The following CADPS2 variants were observed in gnomAD, a reference collection of about 807,000 sequenced individuals.
CADPS2 encodes the protein calcium-dependent secretion activator 2.
Under a neutral mutation model 172.5 loss-of-function variants are expected in CADPS2, and 93 were observed. The ratio of observed to expected loss-of-function variants is 0.54; its 90% confidence interval spans 0.46 to 0.64. The LOEUF (loss-of-function observed/expected upper bound fraction) is 0.64, where lower values mean the gene tolerates loss of function less well. Among genes scored for constraint, CADPS2 ranks in the 30% least tolerant of loss-of-function variants. CADPS2 has a pLI of 0.00. For missense variants in CADPS2, 1,420 were observed against 1,565.9 expected (o/e 0.91, Z 1.57); for synonymous variants, 546 against 555.2 (o/e 0.98, Z 0.23).
chr7:122,379,300 AAC>A (rs2042720554), intron 25 of CADPS2, 66 bp downstream of exon 25: 2 of 999,964 alleles, frequency 2.0e-6, no homozygotes, highest in African/African-American at 1.6e-5. Context: ...GATATTTAAA[AAC>A]ATTAAAAAAT....
At chr7:122,879,699 C>G (rs1037279227) in intron 1 of CADPS2, among the ~76,000 whole-genome samples, 3 of 151,976 alleles carry the variant, frequency 2.0e-5, no homozygotes, top group South Asian at 4.2e-4. Flanking sequence ...GCCCTTTGCC[C>G]CAGTAATATT....
intron 1 of CADPS2, among the ~76,000 whole-genome samples, chr7:122,787,651 A>C (rs1421252605): frequency 1.3e-5 from 2 of 150,462 alleles, no homozygotes; most frequent in Non-Finnish European, 3.0e-5. Flanking sequence ...CTTAGTAATT[A>C]ATGTAAGTGC....
intron 1 of CADPS2, among the ~76,000 whole-genome samples, chr7:122,792,620 A>G (rs905607216): frequency 6.6e-6 from 1 of 152,210 alleles, no homozygotes; most frequent in Non-Finnish European, 1.5e-5. Context: ...TATAAGATTA[A>G]CAAACTTATT....
At chr7:122,650,594 G>A (rs1346945899) in intron 3 of CADPS2, among the ~76,000 whole-genome samples, 2 of 152,072 alleles carry the variant, frequency 1.3e-5, no homozygotes, top group Non-Finnish European at 2.9e-5. Flanking sequence ...GGGAGATGCT[G>A]GAGAAAGCAA....
chr7:122,647,946 T>C (rs957443187), intron 3 of CADPS2, among the ~76,000 whole-genome samples: 5 of 152,222 alleles, frequency 3.3e-5, no homozygotes, highest in African/African-American at 1.2e-4. Context: ...GCTTTTCATC[T>C]TAACTATTTC....
At chr7:122,559,770 CAAAAAAAAAAAA>C (rs71161306) in intron 7 of CADPS2, among the ~76,000 whole-genome samples, 1 of 85,158 alleles carries the variant, frequency 1.2e-5, no homozygotes, top group African/African-American at 4.6e-5. Context: ...GACTCCACCT[CAAAAAAAAAAAA>C]AAAAAAAAAA....
rs2091956310 is a variant in CADPS2 at position 122,734,365 on chromosome 7, AAAAAAAAAAAAAAAAAAAAAAG to A, written c.453+2568_453+2589del. Among the ~76,000 whole-genome samples, 3 of 88,208 alleles carry A rather than the reference AAAAAAAAAAAAAAAAAAAAAAG, an allele frequency of 3.4e-5. 1 individual carries two copies. Among genetic ancestry groups the A allele is most frequent in the Admixed American group, 2.5e-4 (2 of 7,910 alleles). The allele number at this position is 88,208 out of a possible 152,430, so 57.9% of individuals were successfully genotyped here. ...AGCATGCCAGAAATAGTAAAAAAAA[AAAAAAAAAAAAAAAAAAAAAAG>A]AAAAAAAAAAAAGAAAATCTGGATT... is the stretch of plus-strand genomic sequence containing the variant. On this transcript the variant is annotated intron_variant, in intron 2 of 29. Transcript: ENST00000449022.
At chr7:122,671,235 T>C (rs956761007) in intron 2 of CADPS2, among the ~76,000 whole-genome samples, 1 of 152,208 alleles carries the variant, frequency 6.6e-6, no homozygotes, top group African/African-American at 2.4e-5. Context: ...CATTCACCAT[T>C]CTATCTGTAG....
intron 1 of CADPS2, among the ~76,000 whole-genome samples, chr7:122,867,873 T>C (rs1295761473): frequency 2.6e-5 from 4 of 152,090 alleles, no homozygotes; most frequent in African/African-American, 9.7e-5. Flanking sequence ...GCTTTTGAGA[T>C]ATAGTCCTGC....
chr7:122,541,847 T>TCATATATATG (rs2063100731), intron 8 of CADPS2, among the ~76,000 whole-genome samples: 1 of 127,922 alleles, frequency 7.8e-6, no homozygotes, highest in Non-Finnish European at 1.6e-5. Flanking sequence ...GTTTATATAT[T>TCATATATATG]CATATATATT....
rs117961527 is a variant in CADPS2 at position 122,496,610 on chromosome 7, G to C, written c.1543-5190C>G. On this transcript the variant is annotated intron_variant, in intron 9 of 29. Coordinates refer to ENST00000449022, the MANE Select transcript of CADPS2 (RefSeq NM_017954.11). ...TGTTCCAAATATTTTTCATTTTTAT[G>C]ATTTGTTTTTTATGTTGGAGCTACT... 3.2e-3 allele frequency among the ~76,000 whole-genome samples: 494 copies of C among 152,014 alleles called. 2 individuals are homozygous for C. The highest frequency in any genetic ancestry group is 5.8e-3 in the Non-Finnish European group (395 of 67,946).
At chr7:122,694,186 A>C (rs2084774455) in intron 2 of CADPS2, among the ~76,000 whole-genome samples, 1 of 152,210 alleles carries the variant, frequency 6.6e-6, no homozygotes, top group Non-Finnish European at 1.5e-5. Context: ...ATGACTTACA[A>C]TTGCTTCTAG....
At chr7:122,528,181 CAACTT>C (rs1563604387) in intron 8 of CADPS2, among the ~76,000 whole-genome samples, 1 of 151,652 alleles carries the variant, frequency 6.6e-6, no homozygotes, top group Non-Finnish European at 1.5e-5. Flanking sequence ...GAAAATATTT[CAACTT>C]AACTTGTTTG....
intron 2 of CADPS2, among the ~76,000 whole-genome samples, chr7:122,690,615 C>G (rs2136030221): frequency 6.6e-6 from 1 of 152,304 alleles, no homozygotes; most frequent in Non-Finnish European, 1.5e-5. Flanking sequence ...ATCCTCGTAA[C>G]TGGTTGGAGA....
intron 25 of CADPS2, chr7:122,378,721 T>G (rs2042640648): frequency 6.6e-6 from 1 of 152,220 alleles, no homozygotes; most frequent in Non-Finnish European, 1.5e-5. Flanking sequence ...GTTCATCCTC[T>G]TAAACTCCTG....
chr7:122,854,130 C>A (rs56003036), intron 1 of CADPS2, among the ~76,000 whole-genome samples: 20,521 of 151,990 alleles, frequency 0.14, 1,444 homozygotes, highest in South Asian at 0.21. Flanking sequence ...GAGGCTGAGG[C>A]GGGTGGATAA....
intron 27 of CADPS2, among the ~76,000 whole-genome samples, chr7:122,358,166 A>G (rs1322240974): frequency 6.6e-6 from 1 of 152,168 alleles, no homozygotes; most frequent in East Asian, 1.9e-4. Context: ...GATTTTGGCC[A>G]TTCTAACAAG....
At position 122,505,534 on chromosome 7, in the gene CADPS2, T is replaced by C. The variant is rs568519443; in HGVS notation, c.1542+7715A>G. Among the ~76,000 whole-genome samples, 152 of 152,308 alleles carry C rather than the reference T, an allele frequency of 1.0e-3. 1 individual carries two copies. The highest frequency in any genetic ancestry group is 3.5e-3 in the African/African-American group (145 of 41,578). The stretch of plus-strand genomic sequence containing the variant: ...ACATTTGCTTTTAGCTTTTAACTTC[T>C]TAAATATTTTGTTTAATATCTAAAA... On this transcript the variant is annotated intron_variant, in intron 9 of 29. Transcript: ENST00000449022.
At chr7:122,769,666 T>C (rs1173035576) in intron 1 of CADPS2, among the ~76,000 whole-genome samples, 2 of 152,340 alleles carry the variant, frequency 1.3e-5, no homozygotes, top group African/African-American at 4.8e-5. Context: ...GTCCTAATTA[T>C]AAATTTCAAA....
Sources: allele counts gnomAD v4.1 joint callset (sites outside exome capture counted in the v4.1 genomes callset), GRCh38; gene constraint gnomAD v4.1.1; transcripts MANE v1.5; gene names NCBI Gene and HGNC (gene_info 2026-07-23, HGNC 2026-07-21).